IRS2: variants seen among roughly 807,000 people sequenced by gnomAD.
The protein encoded by IRS2 is insulin receptor substrate 2.
IRS2 carries 28 observed loss-of-function variants against 70.9 expected under a neutral mutation model. The ratio of observed to expected loss-of-function variants is 0.39; its 90% CI spans 0.29 to 0.54. The LOEUF (loss-of-function observed/expected upper bound fraction) is 0.54, where lower values mean the gene tolerates loss of function less well. Among genes scored for constraint, IRS2 ranks in the 20% least tolerant of loss-of-function variants. The pLI is 0.59. For missense variants in IRS2, 2,081 were observed against 2,024.1 expected (o/e 1.03, Z -0.54); for synonymous variants, 1,217 against 981.9 (o/e 1.24, Z -4.48).
Position 109,753,693 on chromosome 13 carries a change from T to C in IRS2, c.*2611A>G, listed in dbSNP as rs1431643893. On this transcript the variant is annotated 3_prime_UTR_variant, in exon 2 of 2. Transcript: ENST00000375856. Reference sequence around the variant, plus strand: ...TGTTATCTGGCAGGTATTTTTTGGCTTCCAGAATAAAAGTTTTAAAATTAA... The same window carrying C: ...TGTTATCTGGCAGGTATTTTTTGGCCTCCAGAATAAAAGTTTTAAAATTAA... 5.4e-6 allele frequency: 1 copy of C among 184,088 alleles called. No individual in the cohort carries two copies. Among genetic ancestry groups the C allele is most frequent in the Non-Finnish European group, 1.2e-5 (1 of 86,662 alleles). The allele number at this position is 184,088 out of a possible 1,614,324, so 11.4% of individuals were successfully genotyped here. A position where few individuals can be genotyped will look rare whatever the true frequency, so the allele number is the denominator to read the frequency against.
rs538455267 is a variant in IRS2 at position 109,754,845 on chromosome 13, AAAAAC to A, written c.*1454_*1458del. ...ATTATATATTTATATATATTTTTCT[AAAAAC>A]AAAACAAAACAAAACCAACAACTTA... On this transcript the variant is annotated 3_prime_UTR_variant, in exon 2 of 2. Coordinates refer to ENST00000375856, the MANE Select transcript of IRS2 (RefSeq NM_003749.3). The A allele has an allele frequency of 8.1e-5, 16 of 197,418 alleles. No individual in the cohort carries two copies. Among genetic ancestry groups the A allele is most frequent in the Non-Finnish European group, 1.5e-4 (14 of 95,616 alleles). 12.2% of individuals were successfully genotyped at this position (197,418 alleles called of 1,614,324 possible). A position where few individuals can be genotyped will look rare whatever the true frequency, so the allele number is the denominator to read the frequency against.
Position 109,783,427 on chromosome 13 carries a change from C to A in IRS2, c.2627G>T (p.Arg876Leu), listed in dbSNP as rs1428455100. The A allele has an allele frequency of 1.3e-6, 2 of 1,491,678 alleles. No individual in the cohort carries two copies. The highest frequency in any genetic ancestry group is 4.8e-5 in the Admixed American group (2 of 41,780). The allele number at this position is 1,491,678 out of a possible 1,614,324, so 92.4% of individuals were successfully genotyped here. ...VPSPVRPSGG[R>L]PEGFLGQRGR... ...GCGCTGGCCCAAGAAGCCCTCCGGG[C>A]GGCCGCCGCTAGGCCGCACGGGCGA... The change falls in exon 1 of 2, where the codon CGC (arginine) becomes CTC (leucine). Residue 876 changes from arginine to leucine, a missense_variant. Around this residue, in one of 4 missense-constraint regions of IRS2, gnomAD observed 1,615 missense variants for 1,459.5 expected, o/e 1.11. Transcript: ENST00000375856.
At chr13:109,758,304 A>G (rs1877151034) in intron 1 of IRS2, among the ~76,000 whole-genome samples, 1 of 152,230 alleles carries the variant, frequency 6.6e-6, no homozygotes, top group South Asian at 2.1e-4. Context: ...GAGACTCTGC[A>G]AATCCATTGA....
At position 109,755,232 on chromosome 13, in the gene IRS2, T is replaced by TA. The variant is rs1877078177; in HGVS notation, c.*1071_*1072insT. 4 of 132,634 alleles carry TA rather than the reference T, an allele frequency of 3.0e-5. No homozygotes were observed. The highest frequency in any genetic ancestry group is 5.5e-5 in the Non-Finnish European group (4 of 72,156). The allele number at this position is 132,634 out of a possible 1,614,324, so 8.2% of individuals were successfully genotyped here. ...TTCTTTCCTTTTTTTTTTTTCTTTTTGTTTTTTTTGTTCAGGGCAGCCTCA... is the reference window on the plus strand; with the variant it reads ...TTCTTTCCTTTTTTTTTTTTCTTTTTAGTTTTTTTTGTTCAGGGCAGCCTCA... On this transcript the variant is annotated 3_prime_UTR_variant, in exon 2 of 2. Coordinates refer to ENST00000375856, the MANE Select transcript of IRS2 (RefSeq NM_003749.3).
chr13:109,775,753 A>AACACAC (rs71127906), intron 1 of IRS2, among the ~76,000 whole-genome samples: 10,209 of 140,398 alleles, frequency 0.073, 369 homozygotes, highest in Admixed American at 0.082. Context: ...ATATTATGGA[A>AACACAC]ACACACACAC....
chr13:109,785,385 C>G lies in IRS2; in HGVS notation c.669G>C (p.Ala223=), dbSNP rs752874702. The G allele has an allele frequency of 7.4e-6, 12 of 1,612,504 alleles. No individual in the cohort carries two copies. The highest frequency in any genetic ancestry group is 1.0e-5 in the Non-Finnish European group (12 of 1,179,900). The stretch of plus-strand genomic sequence containing the variant: ...TGAGCTTCACGAAGCCGATGGTGCG[C>G]GCAGACAGGCACAGACGGTACACCC... ...LTGVYRLCLS[A]RTIGFVKLNC... is the part of the protein sequence containing the mutation. The change falls in exon 1 of 2, where the codon GCG becomes GCC. Residue 223 remains alanine, a synonymous_variant. Transcript: ENST00000375856. The surrounding 1 kb of genome is among the most constrained non-coding windows in gnomAD (Gnocchi z 9.3).
rs1476521314 is a variant in IRS2 at position 109,784,068 on chromosome 13, G to A, written c.1986C>T (p.Leu662=). The part of the protein sequence containing the change: ...GYMPMTPGAA[L]AGSGSGSCRS... ...TGCAGCTGCCGCTCCCACTGCCCGCGAGGGCCGCGCCGGGCGTCATGGGCA... is the reference window on the plus strand; with the variant it reads ...TGCAGCTGCCGCTCCCACTGCCCGCAAGGGCCGCGCCGGGCGTCATGGGCA... Residue 662 remains leucine (L), a synonymous_variant, in exon 1 of 2, where the codon CTC becomes CTT. Coordinates refer to ENST00000375856, the MANE Select transcript of IRS2 (RefSeq NM_003749.3). This position sits in a 1 kb window ranked among gnomAD's most constrained non-coding sequence, Gnocchi z 5.2. 3 of 1,569,198 alleles carry A rather than the reference G, an allele frequency of 1.9e-6. No homozygotes were observed. The highest frequency in any genetic ancestry group is 1.3e-5 in the African/African-American group (1 of 74,396).
chr13:109,768,108 T>C (rs1465726285), intron 1 of IRS2, among the ~76,000 whole-genome samples: 1 of 152,228 alleles, frequency 6.6e-6, no homozygotes, highest in Non-Finnish European at 1.5e-5. Context: ...AAAATAATTG[T>C]TATTTCCCTC....
At position 109,775,753 on chromosome 13, in the gene IRS2, AACACACACACACACACAC is replaced by A. The variant is rs71127906; in HGVS notation, c.4012+6271_4012+6288del. Among the ~76,000 whole-genome samples the A allele has an allele frequency of 1.4e-3, 190 of 140,536 alleles. 1 individual carries two copies. The highest frequency in any genetic ancestry group is 4.0e-3 in the African/African-American group (148 of 37,066). The allele number at this position is 140,536 out of a possible 152,430, so 92.2% of individuals were successfully genotyped here. A position where few individuals can be genotyped will look rare whatever the true frequency, so the allele number is the denominator to read the frequency against. On this transcript the variant is annotated intron_variant, in intron 1 of 1. Coordinates refer to ENST00000375856, the MANE Select transcript of IRS2 (RefSeq NM_003749.3). ...GCATGACTGGATGAGATATTATGGA[AACACACACACACACACAC>A]ACACACACACACACACACACACACA...
chr13:109,771,074 C>G (rs746609566), intron 1 of IRS2, among the ~76,000 whole-genome samples: 53 of 152,160 alleles, frequency 3.5e-4, no homozygotes, highest in Non-Finnish European at 6.5e-4. Context: ...CAAACTGAAC[C>G]AAGGTGTGTC....
rs1271990075 is a variant in IRS2 at position 109,760,761 on chromosome 13, T to C, written c.4013-4453A>G. ...CCACCTTCAAACTGCTCAACTTGAC[T>C]CCCCCGAAAGAGAGAAAGGAGGAAA... On this transcript the variant is annotated intron_variant, in intron 1 of 1. Coordinates refer to ENST00000375856, the MANE Select transcript of IRS2 (RefSeq NM_003749.3). Among the ~76,000 whole-genome samples the C allele has an allele frequency of 2.6e-5, 4 of 152,110 alleles. No individual in the cohort carries two copies. In the East Asian group the frequency reaches 7.7e-4, roughly 29 times the overall value.
intron 1 of IRS2, among the ~76,000 whole-genome samples, chr13:109,774,635 T>C (rs184675547): frequency 6.6e-6 from 1 of 152,130 alleles, no homozygotes; most frequent in Non-Finnish European, 1.5e-5. Context: ...CAAGATGTTA[T>C]GAGGTTGAAC....
chr13:109,783,339 G>C lies in IRS2; in HGVS notation c.2715C>G (p.His905Gln). The C allele has an allele frequency of 6.4e-7, 1 of 1,558,608 alleles. No individual in the cohort carries two copies. Among genetic ancestry groups the C allele is most frequent in the Non-Finnish European group, 8.6e-7 (1 of 1,161,544 alleles). The change falls in exon 1 of 2, where the codon CAC (histidine) becomes CAG (glutamine). Residue 905 changes from histidine to glutamine, a missense_variant. By Grantham distance (24) the His-to-Gln change is conservative. Coordinates refer to ENST00000375856, the MANE Select transcript of IRS2 (RefSeq NM_003749.3). ...LEGLPSLPSM[H>Q]EYPLPPEPKS... ...TGGGCTCCGGTGGCAGTGGGTACTC[G>C]TGCATGCTGGGCAGGCTGGGCAGCC... is the stretch of plus-strand genomic sequence containing the variant.
At chr13:109,759,338 G>A (rs1877178815) in intron 1 of IRS2, among the ~76,000 whole-genome samples, 2 of 152,184 alleles carry the variant, frequency 1.3e-5, no homozygotes, top group Non-Finnish European at 2.9e-5. Context: ...GGCTGAGGCT[G>A]ATTCCAGGTG....
At chr13:109,775,320 T>C (rs1363479824) in intron 1 of IRS2, among the ~76,000 whole-genome samples, 2 of 152,016 alleles carry the variant, frequency 1.3e-5, no homozygotes, top group Admixed American at 1.3e-4. Flanking sequence ...GGTTTCTCCA[T>C]GTTGGCCAGG....
rs756421554 is a variant in IRS2, at chr13:109,785,219, C to A, written c.835G>T (p.Val279Leu). 3 of 1,604,134 alleles carry A rather than the reference C, an allele frequency of 1.9e-6. No individual in the cohort carries two copies. Among genetic ancestry groups the A allele is most frequent in the Non-Finnish European group, 1.7e-6 (2 of 1,176,364 alleles). ...ELWMQADDSV[V>L]AQNIHETILE... is the part of the protein sequence containing the mutation. ...ATGGTCTCGTGGATGTTCTGCGCCA[C>A]CACCGAGTCGTCCGCCTGCATCCAC... The change falls in exon 1 of 2, where the codon GTG becomes TTG. Residue 279 changes from valine (V) to leucine (L), a missense_variant. Physicochemically the swap from Val to Leu is conservative, Grantham distance 32. Transcript: ENST00000375856. This position sits in a 1 kb window ranked among gnomAD's most constrained non-coding sequence, Gnocchi z 9.3.
At chr13:109,758,660 A>G (rs959727577) in intron 1 of IRS2, among the ~76,000 whole-genome samples, 1 of 152,172 alleles carries the variant, frequency 6.6e-6, no homozygotes, top group African/African-American at 2.4e-5. Flanking sequence ...GAATACAGTT[A>G]TCAAAACGTT....
At chr13:109,764,454 A>G (rs1158305941) in intron 1 of IRS2, among the ~76,000 whole-genome samples, 1 of 152,244 alleles carries the variant, frequency 6.6e-6, no homozygotes, top group African/African-American at 2.4e-5. Context: ...ATGAGATTTC[A>G]TGTATAAAAT....
At chr13:109,758,428 G>A (rs1045257452) in intron 1 of IRS2, among the ~76,000 whole-genome samples, 1 of 152,188 alleles carries the variant, frequency 6.6e-6, no homozygotes, top group African/African-American at 2.4e-5. Context: ...AGCTAAACTA[G>A]TAAGTTCTTC....
Sources: gnomAD v4.1 joint callset for allele counts (sites outside exome capture counted in the v4.1 genomes callset) on GRCh38, gnomAD v4.1.1 for gene constraint, gnomAD v4.1.1 regional missense constraint, Gnocchi (gnomAD v3.1) non-coding constraint, MANE v1.5 for transcripts, NCBI Gene and HGNC (gene_info 2026-07-23, HGNC 2026-07-21) for gene names.